The following NDFIP1 variants were observed in gnomAD, a reference collection of about 807,000 sequenced individuals.
NDFIP1 encodes the protein Nedd4 family interacting protein 1.
NDFIP1 carries 7 observed loss-of-function variants against 28.8 expected under a neutral mutation model. That is an observed-to-expected ratio of 0.24 (90% CI 0.14 to 0.46). The LOEUF is 0.46. NDFIP1 is among the 20% of genes least tolerant of loss of function. NDFIP1 has a pLI of 0.99. For missense variants in NDFIP1, 194 were observed against 269.1 expected (o/e 0.72, Z 1.95); for synonymous variants, 92 against 101.0 (o/e 0.91, Z 0.53).
At chr5:142,133,860 A>T (rs909004383) in intron 3 of NDFIP1, among the ~76,000 whole-genome samples, 4 of 152,244 alleles carry the variant, frequency 2.6e-5, no homozygotes, top group African/African-American at 9.6e-5. Context: ...ACTGATAACT[A>T]AGACACATAA....
intron 5 of NDFIP1, 101 bp from the exon 6 acceptor site, chr5:142,140,462 A>AG: frequency 9.8e-7 from 1 of 1,024,104 alleles, no homozygotes; most frequent in Non-Finnish European, 1.4e-6. Flanking sequence ...AAAAAAAAAA[A>AG]AAAGAATAAG....
intron 1 of NDFIP1, among the ~76,000 whole-genome samples, chr5:142,109,458 T>C (rs368523700): frequency 6.6e-6 from 1 of 152,370 alleles, no homozygotes; most frequent in African/African-American, 2.4e-5. Flanking sequence ...TCTCTGCTGC[T>C]GCCGATAGCT....
chr5:142,117,332 C>T (rs1406817164), intron 1 of NDFIP1, among the ~76,000 whole-genome samples: 1 of 151,354 alleles, frequency 6.6e-6, no homozygotes, highest in Non-Finnish European at 1.5e-5. Flanking sequence ...CAACCTCCGC[C>T]TCCTGGGCTC....
chr5:142,137,613 T>C, intron 4 of NDFIP1, 121 bp from the exon 5 acceptor site: 1 of 1,153,084 alleles, frequency 8.7e-7, no homozygotes, highest in African/African-American at 1.5e-5. Context: ...TGGTGACGGT[T>C]GTGGAGGACA....
chr5:142,122,466 TTATG>T (rs1200782456), intron 1 of NDFIP1, among the ~76,000 whole-genome samples: 1 of 152,224 alleles, frequency 6.6e-6, no homozygotes, highest in Non-Finnish European at 1.5e-5. Context: ...TTTTCCCTCC[TTATG>T]TGTCTTTTGG....
At chr5:142,125,055 T>C (rs1450893177) in intron 1 of NDFIP1, among the ~76,000 whole-genome samples, 1 of 152,162 alleles carries the variant, frequency 6.6e-6, no homozygotes, top group East Asian at 1.9e-4. Context: ...CTCGATCTCC[T>C]AACCTCGTGA....
intron 3 of NDFIP1, among the ~76,000 whole-genome samples, chr5:142,133,393 ATTG>A (rs961471856): frequency 6.6e-6 from 1 of 152,194 alleles, no homozygotes; most frequent in African/African-American, 2.4e-5. Flanking sequence ...TATTTTGTAT[ATTG>A]TTTCCAATCT....
chr5:142,133,485 A>G (rs568904055), intron 3 of NDFIP1, among the ~76,000 whole-genome samples: 1 of 152,326 alleles, frequency 6.6e-6, no homozygotes, highest in South Asian at 2.1e-4. Flanking sequence ...GAGAAAAAGT[A>G]ATTTTCCCAA....
At chr5:142,128,442 T>C (rs1757192361) in intron 1 of NDFIP1, among the ~76,000 whole-genome samples, 1 of 152,192 alleles carries the variant, frequency 6.6e-6, no homozygotes, top group African/African-American at 2.4e-5. Flanking sequence ...ACATGGTTCC[T>C]CCACTTGTTA....
rs896250576 is a variant in NDFIP1, at chr5:142,153,910, T to C, written c.*2182T>C. Reference sequence around the variant, plus strand: ...ATTCCTATTTCTACGTATTTGGTGGTCCATAAGACTTTGTCAAATGTAAAC... The same window carrying C: ...ATTCCTATTTCTACGTATTTGGTGGCCCATAAGACTTTGTCAAATGTAAAC... On this transcript the variant is annotated 3_prime_UTR_variant, in exon 8 of 8. Transcript: ENST00000253814. The C allele has an allele frequency of 3.3e-5, 5 of 152,960 alleles. No individual in the cohort carries two copies. Among genetic ancestry groups the C allele is most frequent in the African/African-American group, 1.2e-4 (5 of 41,476 alleles). 9.5% of individuals were successfully genotyped at this position (152,960 alleles called of 1,614,324 possible).
intron 1 of NDFIP1, among the ~76,000 whole-genome samples, chr5:142,123,371 C>G (rs1418005783): frequency 6.6e-6 from 1 of 151,994 alleles, no homozygotes; most frequent in Non-Finnish European, 1.5e-5. Context: ...TGGGCTCAAG[C>G]AGTCCTTCCA....
intron 1 of NDFIP1, among the ~76,000 whole-genome samples, chr5:142,113,666 G>A (rs1028341960): frequency 1.3e-5 from 2 of 152,098 alleles, no homozygotes; most frequent in African/African-American, 4.8e-5. Context: ...CCAGAACTTT[G>A]TCACCTTGCA....
At chr5:142,117,728 CTTTT>C (rs10699168) in intron 1 of NDFIP1, among the ~76,000 whole-genome samples, 1 of 116,118 alleles carries the variant, frequency 8.6e-6, no homozygotes, top group Non-Finnish European at 1.7e-5. Flanking sequence ...GTTCTACAGG[CTTTT>C]TTTTTTTTTT....
At chr5:142,125,974 C>T (rs1554091251) in intron 1 of NDFIP1, among the ~76,000 whole-genome samples, 1 of 152,096 alleles carries the variant, frequency 6.6e-6, no homozygotes, top group Non-Finnish European at 1.5e-5. Flanking sequence ...TGTTTAGTCT[C>T]TCTTATCTTG....
chr5:142,116,397 C>G (rs1163018188), intron 1 of NDFIP1, among the ~76,000 whole-genome samples: 1 of 151,104 alleles, frequency 6.6e-6, no homozygotes, highest in East Asian at 1.9e-4. Flanking sequence ...TCAACAGAGT[C>G]TTGCTCTGTT....
chr5:142,115,659 A>C (rs1409381973), intron 1 of NDFIP1, among the ~76,000 whole-genome samples: 2 of 152,192 alleles, frequency 1.3e-5, no homozygotes, highest in Admixed American at 6.5e-5. Context: ...GAAAATTGGC[A>C]TGATGGTTTA....
chr5:142,109,918 A>G (rs906822535), intron 1 of NDFIP1, among the ~76,000 whole-genome samples: 1 of 152,224 alleles, frequency 6.6e-6, no homozygotes, highest in Admixed American at 6.5e-5. Context: ...GCCAGGTGGT[A>G]AACTGATGTT....
intron 1 of NDFIP1, among the ~76,000 whole-genome samples, chr5:142,125,158 T>G (rs1561600006): frequency 6.6e-6 from 1 of 152,168 alleles, no homozygotes; most frequent in Admixed American, 6.5e-5. Flanking sequence ...TTTCAGCATG[T>G]GTCAGTATCT....
intron 7 of NDFIP1, among the ~76,000 whole-genome samples, chr5:142,146,686 C>T (rs1757392713): frequency 1.3e-5 from 2 of 152,130 alleles, no homozygotes; most frequent in Admixed American, 6.6e-5. Context: ...TGAGATCACA[C>T]CTCTGTCTAT....
Sources: allele counts gnomAD v4.1 joint callset (sites outside exome capture counted in the v4.1 genomes callset), GRCh38; gene constraint gnomAD v4.1.1; transcripts MANE v1.5; gene names NCBI Gene and HGNC (gene_info 2026-07-23, HGNC 2026-07-21).